Variants in DNAAF9 observed in about 807,000 individuals in gnomAD.
The protein encoded by DNAAF9 is shulin.
DNAAF9 carries 90 observed loss-of-function variants against 167.0 expected under a neutral mutation model. That is an observed-to-expected ratio of 0.54 (90% CI 0.45 to 0.64). The LOEUF is 0.64. Ranked by LOEUF, DNAAF9 falls within the 30% of genes least tolerant of loss-of-function variation. The probability of loss-of-function intolerance (pLI) is 0.00; values close to 1 mark genes in which losing one functional copy is unlikely to be tolerated. For synonymous variants in DNAAF9, 491 were observed against 508.8 expected (o/e 0.96, Z 0.47); for missense variants, 1,315 against 1,442.2 (o/e 0.91, Z 1.43).
chr20:3,310,847 A>C (rs1487644914), intron 20 of DNAAF9, among the ~76,000 whole-genome samples: 1 of 152,218 alleles, frequency 6.6e-6, no homozygotes, highest in Admixed American at 6.5e-5. Context: ...TAAAATCCTA[A>C]TAATAACAGC....
intron 8 of DNAAF9, among the ~76,000 whole-genome samples, chr20:3,344,590 TACACACACACACACACACACAC>T (rs4053351): frequency 0.011 from 1,585 of 144,630 alleles, 32 homozygotes; most frequent in African/African-American, 0.038. Context: ...TACACACACA[TACACACACACACACACACACAC>T]ACACACACAC....
intron 33 of DNAAF9, 56 bp from the exon 34 acceptor site, chr20:3,256,267 T>C (rs2068278902): frequency 8.2e-7 from 1 of 1,218,890 alleles, no homozygotes; most frequent in Non-Finnish European, 1.2e-6. Flanking sequence ...GATACAGCTA[T>C]GCTAAGACTG....
intron 12 of DNAAF9, among the ~76,000 whole-genome samples, chr20:3,329,124 C>T (rs1332324832): frequency 6.6e-6 from 1 of 152,098 alleles, no homozygotes; most frequent in African/African-American, 2.4e-5. Context: ...CCCGCCTTGG[C>T]CTCCCAAAGT....
intron 10 of DNAAF9, among the ~76,000 whole-genome samples, chr20:3,336,262 T>TG (rs2069945234): frequency 6.8e-6 from 1 of 147,546 alleles, no homozygotes; most frequent in Non-Finnish European, 1.5e-5. Flanking sequence ...GTTTTTGTTT[T>TG]TTTTTTTTTT....
chr20:3,280,583 T>A (rs1157515391), intron 28 of DNAAF9, among the ~76,000 whole-genome samples: 4 of 150,098 alleles, frequency 2.7e-5, no homozygotes, highest in East Asian at 2.0e-4. Flanking sequence ...AAAAAAAAAA[T>A]TTAAACAATG....
intron 7 of DNAAF9, among the ~76,000 whole-genome samples, chr20:3,350,132 GACACACAGACACA>G (rs2070286513): frequency 7.3e-6 from 1 of 137,560 alleles, no homozygotes; most frequent in African/African-American, 2.8e-5. Context: ...CAGACACACA[GACACACAGACACA>G]CAGACACACA....
At chr20:3,389,062 G>A (rs1002421877) in intron 1 of DNAAF9, among the ~76,000 whole-genome samples, 2 of 152,122 alleles carry the variant, frequency 1.3e-5, no homozygotes, top group African/African-American at 2.4e-5. Context: ...TCTGCCTCCT[G>A]GGCTCAAGTG....
chr20:3,363,764 C>T (rs1436720514), intron 6 of DNAAF9, among the ~76,000 whole-genome samples: 1 of 152,026 alleles, frequency 6.6e-6, no homozygotes, highest in African/African-American at 2.4e-5. Flanking sequence ...ACTTTGGATT[C>T]TTTATTTTCT....
chr20:3,398,503 A>C (rs541260232), intron 1 of DNAAF9, among the ~76,000 whole-genome samples: 1 of 152,294 alleles, frequency 6.6e-6, no homozygotes, highest in African/African-American at 2.4e-5. Context: ...TTATTTTGAA[A>C]AGCATTAAAA....
At chr20:3,320,564 T>G (rs7261601) in intron 16 of DNAAF9, among the ~76,000 whole-genome samples, 9,448 of 152,258 alleles carry the variant, frequency 0.062, 375 homozygotes, top group Non-Finnish European at 0.082. Context: ...AGATAAAGTA[T>G]TATCACCTAA....
In DNAAF9 at chr20:3,260,357, T is replaced by A. The variant is rs984577510; in HGVS notation, c.2874-329A>T. ...CAAGACTCCGTCTCAAAAAAAAAAA[T>A]TTTAAGTACAAATATTTGAATTCTC... On this transcript the variant is annotated intron_variant, in intron 31 of 36. Coordinates refer to ENST00000252032, the MANE Select transcript of DNAAF9 (RefSeq NM_001009984.3). Among the ~76,000 whole-genome samples the A allele has an allele frequency of 1.1e-4, 16 of 151,736 alleles. 1 individual carries two copies. In the South Asian group the frequency reaches 2.9e-3, roughly 28 times the overall value.
At chr20:3,351,528 T>C (rs1600839187) in intron 7 of DNAAF9, among the ~76,000 whole-genome samples, 1 of 149,102 alleles carries the variant, frequency 6.7e-6, no homozygotes, top group East Asian at 1.9e-4. Context: ...ATAAGACAAA[T>C]GATCTGGTTT....
chr20:3,277,607 C>T (rs1486991979), intron 29 of DNAAF9, among the ~76,000 whole-genome samples: 1 of 151,968 alleles, frequency 6.6e-6, no homozygotes, highest in Non-Finnish European at 1.5e-5. Flanking sequence ...TCCTAGATAC[C>T]TCTTTTTCCA....
At chr20:3,387,884 T>TAAAAAAAAAAAAAAAAAAAAAAAAAAAAA (rs557861791) in intron 1 of DNAAF9, among the ~76,000 whole-genome samples, 1 of 87,368 alleles carries the variant, frequency 1.1e-5, no homozygotes, top group African/African-American at 4.8e-5. Flanking sequence ...CTACAAAAAG[T>TAAAAAAAAAAAAAAAAAAAAAAAAAAAAA]AAAAAAAAAA....
At chr20:3,343,167 A>C (rs1179123761) in intron 9 of DNAAF9, among the ~76,000 whole-genome samples, 1 of 152,154 alleles carries the variant, frequency 6.6e-6, no homozygotes, top group Non-Finnish European at 1.5e-5. Flanking sequence ...ACAGTGATTT[A>C]TTTATTTATT....
At chr20:3,353,085 A>G (rs888917960) in intron 7 of DNAAF9, among the ~76,000 whole-genome samples, 1 of 148,054 alleles carries the variant, frequency 6.8e-6, no homozygotes, top group Non-Finnish European at 1.5e-5. Flanking sequence ...TAACATGTAT[A>G]CAGATGTTAT....
intron 1 of DNAAF9, among the ~76,000 whole-genome samples, chr20:3,383,027 C>T (rs762924294): frequency 1.8e-4 from 28 of 152,258 alleles, no homozygotes; most frequent in Admixed American, 3.3e-4. Context: ...AGAATACTTG[C>T]TTCCATTTCT....
chr20:3,286,745 T>C (rs1432714775), intron 27 of DNAAF9, among the ~76,000 whole-genome samples: 1 of 152,142 alleles, frequency 6.6e-6, no homozygotes, highest in South Asian at 2.1e-4. Flanking sequence ...CCAATTCCCA[T>C]CATCACAGCC....
chr20:3,288,112 C>T (rs954435677), intron 26 of DNAAF9, among the ~76,000 whole-genome samples: 6 of 152,210 alleles, frequency 3.9e-5, no homozygotes, highest in African/African-American at 1.4e-4. Context: ...TCTGAAGGAC[C>T]ATGCAAAAGA....
Sources: gnomAD v4.1 joint callset for allele counts (sites outside exome capture counted in the v4.1 genomes callset) on GRCh38, gnomAD v4.1.1 for gene constraint, MANE v1.5 for transcripts, NCBI Gene and HGNC (gene_info 2026-07-23, HGNC 2026-07-21) for gene names.